The following RNF43 variants were observed in gnomAD, a reference collection of about 807,000 sequenced individuals.
RNF43 encodes the protein E3 ubiquitin-protein ligase RNF43.
A neutral mutation model predicts 78.4 loss-of-function variants in RNF43; 37 were observed. The ratio of observed to expected loss-of-function variants is 0.47; its 90% confidence interval spans 0.36 to 0.62. RNF43 has a LOEUF of 0.62. Among genes scored for constraint, RNF43 ranks in the 20% least tolerant of loss-of-function variants. RNF43 has a pLI of 0.00. For synonymous variants in RNF43, 347 were observed against 395.0 expected (o/e 0.88, Z 1.44); for missense variants, 774 against 1,007.9 (o/e 0.77, Z 3.14).
chr17:58,391,297 T>G (rs972627625), intron 2 of RNF43, among the ~76,000 whole-genome samples: 1 of 152,224 alleles, frequency 6.6e-6, no homozygotes, highest in African/African-American at 2.4e-5. Context: ...CATTGTTTAT[T>G]CCTGGTCAGG....
chr17:58,388,694 A>G (rs1313415199), intron 2 of RNF43, among the ~76,000 whole-genome samples: 1 of 116,086 alleles, frequency 8.6e-6, no homozygotes, highest in African/African-American at 4.1e-5. Context: ...TAGGTCCTAC[A>G]GGATTTGTCA....
intron 2 of RNF43, among the ~76,000 whole-genome samples, chr17:58,411,641 AC>A: frequency 6.6e-6 from 1 of 152,252 alleles, no homozygotes; most frequent in Middle Eastern, 3.4e-3. Context: ...ATCCAGGATA[AC>A]CAGCTGAGCA....
intron 2 of RNF43, among the ~76,000 whole-genome samples, chr17:58,374,788 G>A (rs1598144405): frequency 6.6e-6 from 1 of 152,060 alleles, no homozygotes; most frequent in Admixed American, 6.5e-5. Context: ...GTACAGTTTG[G>A]TCTTCTCTTG....
rs544627598 is a variant in RNF43, at chr17:58,371,531, T to G, written c.253-498A>C. On this transcript the variant is annotated intron_variant, in intron 2 of 9. Coordinates refer to ENST00000407977, the MANE Select transcript of RNF43 (RefSeq NM_017763.6). ...CCTCCTCGGGATGCCCCCAGGCAAC[T>G]GTTGCCCTGTAGATTCCCATTTCTC... Among the ~76,000 whole-genome samples, 7 of 152,372 alleles carry G rather than the reference T, an allele frequency of 4.6e-5. 1 individual carries two copies. The South Asian group carries it at 1.2e-3, about 27-fold the overall frequency.
intron 1 of RNF43, chr17:58,416,173 G>A (rs1974120146): frequency 1.9e-5 from 3 of 159,120 alleles, no homozygotes; most frequent in Non-Finnish European, 4.1e-5. Context: ...CAGGCCACAC[G>A]TTGATGTCCA....
At chr17:58,365,843 C>A (rs1040856792) in intron 3 of RNF43, among the ~76,000 whole-genome samples, 5 of 152,228 alleles carry the variant, frequency 3.3e-5, no homozygotes, top group Admixed American at 6.5e-5. Context: ...TCTTTGGAAG[C>A]TTCAGAGTTG....
intron 2 of RNF43, among the ~76,000 whole-genome samples, chr17:58,409,835 G>A (rs954553614): frequency 4.6e-5 from 7 of 152,166 alleles, no homozygotes; most frequent in South Asian, 2.1e-4. Flanking sequence ...GCAGTGAGCC[G>A]TGTCTGTGCC....
intron 3 of RNF43, among the ~76,000 whole-genome samples, chr17:58,367,215 G>A (rs992916714): frequency 1.1e-4 from 16 of 152,092 alleles, no homozygotes; most frequent in Admixed American, 2.0e-4. Flanking sequence ...TGGCCAGGCT[G>A]GTCTTAAACT....
intron 2 of RNF43, among the ~76,000 whole-genome samples, chr17:58,380,225 GA>G (rs1382495315): frequency 6.6e-6 from 1 of 152,146 alleles, no homozygotes; most frequent in Non-Finnish European, 1.5e-5. Flanking sequence ...ATCTTATAAG[GA>G]GTACCACTGA....
chr17:58,407,898 G>A (rs972906976), intron 2 of RNF43, among the ~76,000 whole-genome samples: 1 of 152,068 alleles, frequency 6.6e-6, no homozygotes, highest in Non-Finnish European at 1.5e-5. Context: ...TATTCTTAAG[G>A]GCCTTTCAGT....
At chr17:58,369,170 T>C (rs748057423) in intron 3 of RNF43, among the ~76,000 whole-genome samples, 9 of 152,152 alleles carry the variant, frequency 5.9e-5, no homozygotes, top group African/African-American at 1.4e-4. Flanking sequence ...ATGAGTGACA[T>C]TTGCCCATAT....
intron 2 of RNF43, among the ~76,000 whole-genome samples, chr17:58,399,518 T>C (rs1973750528): frequency 6.6e-6 from 1 of 152,210 alleles, no homozygotes; most frequent in African/African-American, 2.4e-5. Context: ...TATAATGAAC[T>C]GGGGAAAGTA....
intron 2 of RNF43, among the ~76,000 whole-genome samples, chr17:58,396,631 G>A (rs1973688040): frequency 6.6e-6 from 1 of 152,020 alleles, no homozygotes; most frequent in African/African-American, 2.4e-5. Flanking sequence ...TTGGCTTCAG[G>A]GTCTCCAAAG....
intron 2 of RNF43, among the ~76,000 whole-genome samples, chr17:58,414,215 T>C (rs978219793): frequency 2.5e-4 from 38 of 152,362 alleles, no homozygotes; most frequent in South Asian, 8.3e-4. Context: ...CACTAAACCA[T>C]ATATTAAAGA....
chr17:58,358,683 C>T lies in RNF43; in HGVS notation c.1093G>A (p.Ala365Thr), dbSNP rs79309393. Residue 365 changes from alanine to threonine, a missense_variant, in exon 9 of 10, where the codon GCA (alanine) becomes ACA (threonine). By Grantham distance (58) the Ala-to-Thr change is moderately conservative (BLOSUM62 0). Coordinates refer to ENST00000407977, the MANE Select transcript of RNF43 (RefSeq NM_017763.6). The surrounding 1 kb of genome is among the most constrained non-coding windows in gnomAD (Gnocchi z 6.2). ...CCAGGTCGTGGGGGCCGAGCCACTG[C>T]ACTCCGGGAAGGGCCCAACAGGTAG... ...AAYLLGPSRS[A>T]VARPPRPGPF... 1.1e-3 allele frequency: 1,744 copies of T among 1,531,032 alleles called. 23 individuals are homozygous for T. The East Asian group carries it at 0.027, about 24-fold the overall frequency. 94.8% of individuals were successfully genotyped at this position (1,531,032 alleles called of 1,614,324 possible). A position where few individuals can be genotyped will look rare whatever the true frequency, so the allele number is the denominator to read the frequency against.
At chr17:58,373,731 C>T (rs914004255) in intron 2 of RNF43, among the ~76,000 whole-genome samples, 1 of 152,106 alleles carries the variant, frequency 6.6e-6, no homozygotes, top group Non-Finnish European at 1.5e-5. Context: ...ACTATAGTCA[C>T]CCCATTGTAC....
rs2143461067 is a variant in RNF43, at chr17:58,362,654, G to A, written c.583-6C>T. On this transcript the variant is annotated splice_polypyrimidine_tract_variant and splice_region_variant and intron_variant, in intron 5 of 9. Coordinates refer to ENST00000407977, the MANE Select transcript of RNF43 (RefSeq NM_017763.6). ...ATCCACACATCATAATCTGGCTGGG[G>A]AGTGAGCAGAGAGGGAAAGGGTCAT... 6.2e-7 allele frequency: 1 copy of A among 1,603,730 alleles called. No homozygotes were observed. The highest frequency in any genetic ancestry group is 8.5e-7 in the Non-Finnish European group (1 of 1,173,678).
At chr17:58,393,917 G>C (rs372699814) in intron 2 of RNF43, among the ~76,000 whole-genome samples, 1 of 152,150 alleles carries the variant, frequency 6.6e-6, no homozygotes, top group East Asian at 1.9e-4. Flanking sequence ...TTAGCCAGGC[G>C]TGGTGGCGGG....
chr17:58,359,655 G>A (rs780841040), intron 8 of RNF43, among the ~76,000 whole-genome samples: 31 of 151,294 alleles, frequency 2.0e-4, no homozygotes, highest in Non-Finnish European at 3.7e-4. Context: ...TGCCAGGCAC[G>A]GTGGCTCACG....
Sources: allele counts gnomAD v4.1 joint callset (sites outside exome capture counted in the v4.1 genomes callset), GRCh38; gene constraint gnomAD v4.1.1; non-coding constraint Gnocchi (gnomAD v3.1); transcripts MANE v1.5; gene names NCBI Gene and HGNC (gene_info 2026-07-23, HGNC 2026-07-21).